Variants in SOX5 observed in about 807,000 individuals in gnomAD.
SOX5 encodes SRY-box transcription factor 5.
A neutral mutation model predicts 92.0 loss-of-function variants in SOX5; 9 were observed. That is an observed-to-expected ratio of 0.10 (90% confidence interval 0.06 to 0.17). The LOEUF is 0.17. SOX5 is among the 10% of genes least tolerant of loss of function. SOX5 has a pLI of 1.00. For missense variants in SOX5, 642 were observed against 944.5 expected (o/e 0.68, Z 4.20); for synonymous variants, 344 against 336.3 (o/e 1.02, Z -0.25).
chr12:23,668,309 T>C (rs2084179287), intron 6 of SOX5, among the ~76,000 whole-genome samples: 1 of 152,314 alleles, frequency 6.6e-6, no homozygotes, highest in Non-Finnish European at 1.5e-5. Flanking sequence ...CTCGCAAGAA[T>C]CTAACCATAC....
At chr12:24,109,927 A>T (rs1166745102) in intron 4 of SOX5, among the ~76,000 whole-genome samples, 1 of 152,236 alleles carries the variant, frequency 6.6e-6, no homozygotes, top group African/African-American at 2.4e-5. Flanking sequence ...AATATGCCAT[A>T]GCCATTAAAT....
intron 9 of SOX5, among the ~76,000 whole-genome samples, chr12:23,598,705 G>A (rs1952920996): frequency 6.6e-6 from 1 of 151,784 alleles, no homozygotes; most frequent in African/African-American, 2.4e-5. Flanking sequence ...GGCCACTCTT[G>A]TGCTATATCT....
chr12:24,131,985 C>A (rs1949690422), intron 4 of SOX5, among the ~76,000 whole-genome samples: 1 of 152,108 alleles, frequency 6.6e-6, no homozygotes, highest in South Asian at 2.1e-4. Flanking sequence ...GCTCAAGGAG[C>A]ACGACCACAT....
intron 2 of SOX5, among the ~76,000 whole-genome samples, chr12:23,895,208 CAAAAAAAA>C (rs33970684): frequency 1.1e-5 from 1 of 91,326 alleles, no homozygotes; most frequent in Non-Finnish European, 2.1e-5. Flanking sequence ...GAATAGGATG[CAAAAAAAA>C]AAAAAAAAAA....
intron 13 of SOX5, among the ~76,000 whole-genome samples, chr12:23,537,806 C>T (rs1247656242): frequency 1.3e-5 from 2 of 152,176 alleles, no homozygotes; most frequent in South Asian, 2.1e-4. Context: ...GGTTCTTGAT[C>T]TCACTGACTT....
intron 3 of SOX5, among the ~76,000 whole-genome samples, chr12:23,835,142 C>CA (rs1358511862): frequency 2.0e-5 from 3 of 151,832 alleles, no homozygotes; most frequent in Non-Finnish European, 4.4e-5. Context: ...GAGGGATAGT[C>CA]ATCTACCTTT....
chr12:23,696,936 T>C (rs1229448310), intron 6 of SOX5, among the ~76,000 whole-genome samples: 1 of 152,174 alleles, frequency 6.6e-6, no homozygotes, highest in African/African-American at 2.4e-5. Flanking sequence ...TTAATTTAAT[T>C]CCATTTTGAT....
At chr12:24,039,907 G>A (rs920275133) in intron 4 of SOX5, among the ~76,000 whole-genome samples, 1 of 152,152 alleles carries the variant, frequency 6.6e-6, no homozygotes, top group Non-Finnish European at 1.5e-5. Context: ...GGTAAACTAT[G>A]CAGATACAAT....
rs187194122 is a variant in SOX5 at position 23,625,452 on chromosome 12, A to T, written c.1017+15360T>A. ...TGAAGGCTTGTATCTTCTAATATAT[A>T]TGATGTTATCAATTATATTTAGACA... On this transcript the variant is annotated intron_variant, in intron 8 of 14. Coordinates refer to ENST00000451604, the MANE Select transcript of SOX5 (RefSeq NM_006940.6). 3.9e-5 allele frequency among the ~76,000 whole-genome samples: 6 copies of T among 152,310 alleles called. No homozygotes were observed. In the East Asian group the frequency reaches 1.2e-3, roughly 29 times the overall value.
In SOX5 at chr12:23,568,891, C is replaced by CAAA. The variant is rs11398102; in HGVS notation, c.1343-5491_1343-5489dup. Among the ~76,000 whole-genome samples the CAAA allele has an allele frequency of 3.1e-3, 450 of 145,454 alleles. 4 individuals are homozygous for CAAA. Among genetic ancestry groups the CAAA allele is most frequent in the Middle Eastern group, 7.4e-3 (2 of 270 alleles). ...CCAGATAAAGCATTTAAGAATATCT[C>CAAA]AAAAAAAAAAAAAAATGCCGGGCAT... On this transcript the variant is annotated intron_variant, in intron 10 of 14. Coordinates refer to ENST00000451604, the MANE Select transcript of SOX5 (RefSeq NM_006940.6).
Position 23,865,669 on chromosome 12 carries a change from C to T in SOX5, c.271-19476G>A, listed in dbSNP as rs149312207. Among the ~76,000 whole-genome samples, 585 of 148,604 alleles carry T rather than the reference C, an allele frequency of 3.9e-3. 7 individuals carry two copies. The highest frequency in any genetic ancestry group is 0.014 in the African/African-American group (557 of 39,844). ...CCGCCTGGGTGACAGAGTGAGACTC[C>T]GTCTCAAAAAAAACGAAAAAAAATA... On this transcript the variant is annotated intron_variant, in intron 2 of 14. Coordinates refer to ENST00000451604, the MANE Select transcript of SOX5 (RefSeq NM_006940.6).
chr12:24,164,428 G>A (rs1329805997), intron 4 of SOX5, among the ~76,000 whole-genome samples: 1 of 151,748 alleles, frequency 6.6e-6, no homozygotes, highest in African/African-American at 2.4e-5. Context: ...ATTCACTTTT[G>A]AAACAAAAAT....
At chr12:24,287,977 C>G (rs564165713) in intron 2 of SOX5, among the ~76,000 whole-genome samples, 2 of 152,292 alleles carry the variant, frequency 1.3e-5, no homozygotes, top group East Asian at 1.9e-4. Context: ...TGGAATCCCT[C>G]AAACTATGGA....
At chr12:24,516,182 A>G (rs1949772012) in intron 1 of SOX5, among the ~76,000 whole-genome samples, 1 of 151,792 alleles carries the variant, frequency 6.6e-6, no homozygotes, top group Admixed American at 6.6e-5. Flanking sequence ...ACTTAGGACT[A>G]CAAGCATGCG....
intron 9 of SOX5, among the ~76,000 whole-genome samples, chr12:23,591,802 T>G (rs757438116): frequency 8.5e-5 from 13 of 152,162 alleles, no homozygotes; most frequent in Non-Finnish European, 1.6e-4. Flanking sequence ...ACATTCCTGT[T>G]GCTGTCACAA....
intron 3 of SOX5, among the ~76,000 whole-genome samples, chr12:23,838,066 ATAT>A (rs10538304): frequency 0.53 from 68,896 of 130,552 alleles, 18,886 homozygotes; most frequent in Middle Eastern, 0.62. Context: ...ATACTTATAT[ATAT>A]TATATTTATA....
chr12:23,793,811 C>T (rs1488958250), intron 3 of SOX5, among the ~76,000 whole-genome samples: 3 of 152,196 alleles, frequency 2.0e-5, no homozygotes, highest in Non-Finnish European at 4.4e-5. Flanking sequence ...AAAATTTAAG[C>T]AGGCATTCAC....
At chr12:23,692,731 C>A (rs1231365330) in intron 6 of SOX5, among the ~76,000 whole-genome samples, 1 of 152,102 alleles carries the variant, frequency 6.6e-6, no homozygotes, top group Non-Finnish European at 1.5e-5. Flanking sequence ...CTTGACCTTA[C>A]AATTGAGAGG....
At chr12:24,313,606 A>T (rs2140828313) in intron 2 of SOX5, among the ~76,000 whole-genome samples, 1 of 152,294 alleles carries the variant, frequency 6.6e-6, no homozygotes, top group East Asian at 1.9e-4. Flanking sequence ...GGTCTTGATG[A>T]TGAACTGATC....
Sources: allele counts gnomAD v4.1 joint callset (sites outside exome capture counted in the v4.1 genomes callset), GRCh38; gene constraint gnomAD v4.1.1; transcripts MANE v1.5; gene names NCBI Gene and HGNC (gene_info 2026-07-23, HGNC 2026-07-21).